The following ZBTB20 variants were observed in gnomAD, a reference collection of about 807,000 sequenced individuals.
The protein encoded by ZBTB20 is zinc finger and BTB domain-containing protein 20.
In ZBTB20, 9 loss-of-function variants were observed where a neutral mutation model predicts 56.9. The ratio of observed to expected loss-of-function variants is 0.16; its 90% CI spans 0.10 to 0.28. ZBTB20 has a LOEUF of 0.28. ZBTB20 is among the 10% of genes least tolerant of loss of function. ZBTB20 has a pLI of 1.00. For missense variants in ZBTB20, 655 were observed against 1,003.0 expected, an observed-to-expected ratio of 0.65 and a Z score of 4.69; for synonymous variants, 417 against 420.7, an observed-to-expected ratio of 0.99 and a Z score of 0.11.
intron 5 of ZBTB20, among the ~76,000 whole-genome samples, chr3:114,782,483 G>A (rs1225194373): frequency 6.6e-6 from 1 of 152,150 alleles, no homozygotes; most frequent in Non-Finnish European, 1.5e-5. Context: ...TGCTCTAAGT[G>A]AGCATGAAAT....
chr3:114,556,502 G>C (rs1403520059), intron 6 of ZBTB20, among the ~76,000 whole-genome samples: 1 of 151,950 alleles, frequency 6.6e-6, no homozygotes, highest in East Asian at 1.9e-4. Flanking sequence ...TCTTCCCGTG[G>C]AAATTGTTTT....
chr3:115,077,584 T>C (rs963217332), intron 1 of ZBTB20, among the ~76,000 whole-genome samples: 5 of 152,228 alleles, frequency 3.3e-5, no homozygotes, highest in Admixed American at 3.3e-4. Context: ...GACACTTGAA[T>C]AAAGATTTAT....
At chr3:115,037,748 T>C (rs577108617) in intron 2 of ZBTB20, among the ~76,000 whole-genome samples, 2 of 152,260 alleles carry the variant, frequency 1.3e-5, no homozygotes, top group East Asian at 1.9e-4. Flanking sequence ...ATAAATACAT[T>C]GGAAGAATTA....
chr3:114,557,292 AG>A (rs1270097437), intron 6 of ZBTB20, among the ~76,000 whole-genome samples: 2 of 151,908 alleles, frequency 1.3e-5, no homozygotes, highest in Non-Finnish European at 2.9e-5. Context: ...AATGAAAGGG[AG>A]GGGAAGTGTT....
At chr3:114,385,634 C>T (rs529468965) in intron 8 of ZBTB20, among the ~76,000 whole-genome samples, 5 of 152,156 alleles carry the variant, frequency 3.3e-5, no homozygotes, top group South Asian at 4.2e-4. Flanking sequence ...TTTGGGAAGT[C>T]GAGGCGGGCG....
intron 6 of ZBTB20, among the ~76,000 whole-genome samples, chr3:114,567,335 C>A (rs2052895825): frequency 6.6e-6 from 1 of 152,078 alleles, no homozygotes; most frequent in South Asian, 2.1e-4. Flanking sequence ...GCTAGACAGG[C>A]CCTTGTAAAT....
intron 4 of ZBTB20, among the ~76,000 whole-genome samples, chr3:114,877,818 CTCTT>C (rs1337704071): frequency 6.6e-6 from 1 of 151,978 alleles, no homozygotes; most frequent in African/African-American, 2.4e-5. Flanking sequence ...TCTAATGACT[CTCTT>C]TATTAGACAG....
rs935532490 is a variant in ZBTB20, at chr3:114,329,349, C to T, written c.*9656G>A. ...TCCTGAATGTAGAAGTGAAGAAGGA[C>T]ACTAGTTTCAGGCACCTGGGATGGT... On this transcript the variant is annotated 3_prime_UTR_variant, in exon 12 of 12. Transcript: ENST00000675478. 1 of 152,126 alleles carries T rather than the reference C, an allele frequency of 6.6e-6. No individual in the cohort carries two copies. Among genetic ancestry groups the T allele is most frequent in the African/African-American group, 2.4e-5 (1 of 41,430 alleles). The allele number at this position is 152,126 out of a possible 1,614,324, so 9.4% of individuals were successfully genotyped here.
chr3:114,339,149 G>T lies in ZBTB20; in HGVS notation c.2082C>A (p.Gly694=). The T allele has an allele frequency of 1.9e-6, 3 of 1,613,782 alleles. No homozygotes were observed. The highest frequency in any genetic ancestry group is 2.5e-6 in the Non-Finnish European group (3 of 1,179,690). Residue 694 remains glycine (G), a synonymous_variant, in exon 12 of 12, where the codon GGC becomes GGA. Transcript: ENST00000675478. The surrounding 1 kb of genome is among the most constrained non-coding windows in gnomAD (Gnocchi z 4.2). ...GGCCAGCGCGGGCACCTGGGGGTGT[G>T]CCTGCAGGGGGGGTCCCATTGCTGG... ...HSASNGTPPA[G]TPPGARAGPP... is the part of the protein sequence containing the mutation.
intron 2 of ZBTB20, among the ~76,000 whole-genome samples, chr3:115,002,038 C>G (rs1326178236): frequency 1.3e-5 from 2 of 151,362 alleles, no homozygotes; most frequent in African/African-American, 4.8e-5. Context: ...TGCAAACATA[C>G]AACTTAGATC....
At chr3:114,828,977 G>A (rs2073698775) in intron 4 of ZBTB20, among the ~76,000 whole-genome samples, 1 of 151,750 alleles carries the variant, frequency 6.6e-6, no homozygotes, top group African/African-American at 2.4e-5. Flanking sequence ...AGATAAGCCT[G>A]GTCACTTATG....
chr3:114,830,639 C>T (rs1412252128), intron 4 of ZBTB20, among the ~76,000 whole-genome samples: 1 of 151,914 alleles, frequency 6.6e-6, no homozygotes, highest in Non-Finnish European at 1.5e-5. Context: ...GTACAATTAT[C>T]CCAATCATGG....
chr3:114,369,175 GA>G (rs1387732586), intron 10 of ZBTB20, among the ~76,000 whole-genome samples: 1 of 152,136 alleles, frequency 6.6e-6, no homozygotes, highest in Non-Finnish European at 1.5e-5. Context: ...GTAAAAAATT[GA>G]AGGACAAAGT....
chr3:114,427,894 T>C (rs1315162445), intron 7 of ZBTB20, among the ~76,000 whole-genome samples: 1 of 152,174 alleles, frequency 6.6e-6, no homozygotes, highest in South Asian at 2.1e-4. Context: ...AGGTTATTGT[T>C]TGAATGTCAA....
At chr3:114,788,311 T>A in intron 5 of ZBTB20, among the ~76,000 whole-genome samples, 1 of 152,072 alleles carries the variant, frequency 6.6e-6, no homozygotes, top group East Asian at 1.9e-4. Context: ...CTCTAGAACA[T>A]TTTAACTTTT....
chr3:114,746,935 C>A (rs923264312), intron 5 of ZBTB20, among the ~76,000 whole-genome samples: 1 of 152,144 alleles, frequency 6.6e-6, no homozygotes, highest in Non-Finnish European at 1.5e-5. Context: ...ACAAATGATA[C>A]CCCACTGTTG....
chr3:114,793,349 A>AT (rs928320927), intron 5 of ZBTB20, among the ~76,000 whole-genome samples: 2 of 152,050 alleles, frequency 1.3e-5, no homozygotes, highest in Non-Finnish European at 2.9e-5. Context: ...AATAATTACA[A>AT]TTTTTTACTT....
intron 6 of ZBTB20, among the ~76,000 whole-genome samples, chr3:114,576,544 A>T (rs2054070377): frequency 7.1e-6 from 1 of 141,108 alleles, no homozygotes; most frequent in African/African-American, 2.7e-5. Context: ...AAAAAAAAAA[A>T]AAAATGTATA....
intron 7 of ZBTB20, among the ~76,000 whole-genome samples, chr3:114,410,378 T>C (rs908877463): frequency 6.6e-6 from 1 of 152,064 alleles, no homozygotes; most frequent in Non-Finnish European, 1.5e-5. Flanking sequence ...AAAGATTTAA[T>C]GAGGGGCTTA....
Sources: allele counts gnomAD v4.1 joint callset (sites outside exome capture counted in the v4.1 genomes callset), GRCh38; gene constraint gnomAD v4.1.1; non-coding constraint Gnocchi (gnomAD v3.1); transcripts MANE v1.5; gene names NCBI Gene and HGNC (gene_info 2026-07-23, HGNC 2026-07-21).